Variants in STS observed in about 807,000 individuals in gnomAD.
STS encodes the protein steroid sulfatase, also known as steryl-sulfatase.
Under a neutral mutation model 26.8 loss-of-function variants are expected in STS, and 7 were observed. The ratio of observed to expected loss-of-function variants is 0.26; its 90% CI spans 0.15 to 0.49. The LOEUF is 0.49. Among genes scored for constraint, STS ranks in the 20% least tolerant of loss-of-function variants. STS has a pLI of 0.98. For missense variants in STS, 434 were observed against 465.6 expected, an observed-to-expected ratio of 0.93 and a Z score of 0.63; for synonymous variants, 199 against 189.4, an observed-to-expected ratio of 1.05 and a Z score of -0.42.
intron 8 of STS, among the ~76,000 whole-genome samples, chrX:7,324,092 G>A (rs1927229251): frequency 1.8e-5 from 2 of 110,671 alleles, no homozygotes; most frequent in South Asian, 7.8e-4. Flanking sequence ...TACATTTTAG[G>A]GAGACATACA....
At chrX:7,162,882 T>TAAA (rs758518020) in intron 1 of STS, among the ~76,000 whole-genome samples, 21 of 49,754 alleles carry the variant, frequency 4.2e-4, no homozygotes, top group Non-Finnish European at 7.2e-4. Flanking sequence ...CCGTCTATAC[T>TAAA]AAAAAAAAAA....
chrX:7,156,209 A>G (rs1933131557), intron 1 of STS, among the ~76,000 whole-genome samples: 1 of 110,868 alleles, frequency 9.0e-6, no homozygotes, highest in African/African-American at 3.3e-5. Context: ...GTTATTGTAT[A>G]TATGATTTAA....
intron 6 of STS, among the ~76,000 whole-genome samples, chrX:7,275,559 T>C (rs764367553): frequency 1.8e-5 from 2 of 111,859 alleles, no homozygotes; most frequent in East Asian, 5.6e-4. Context: ...TAAATTTTTT[T>C]CCCAAAGAAA....
chrX:7,187,566 CTCT>C (rs1345408888), intron 1 of STS, among the ~76,000 whole-genome samples: 2 of 112,169 alleles, frequency 1.8e-5, no homozygotes, highest in Non-Finnish European at 3.8e-5. Flanking sequence ...GAAATGCATT[CTCT>C]TCTTCTTCTC....
At chrX:7,339,735 A>T (rs752114683) in intron 10 of STS, among the ~76,000 whole-genome samples, 2 of 111,951 alleles carry the variant, frequency 1.8e-5, no homozygotes, top group Non-Finnish European at 1.9e-5. Context: ...ATCTAGACAC[A>T]TCAGTAACAG....
At chrX:7,331,479 C>T (rs1329580412) in intron 9 of STS, among the ~76,000 whole-genome samples, 1 of 110,827 alleles carries the variant, frequency 9.0e-6, no homozygotes, top group Non-Finnish European at 1.9e-5. Context: ...GTTATGCAAA[C>T]ATGCTACAAA....
intron 2 of STS, chrX:7,219,687 G>C (rs2147048362): frequency 8.3e-7 from 1 of 1,211,704 alleles, no homozygotes; most frequent in Non-Finnish European, 1.1e-6. Context: ...TGCCTTTAAG[G>C]TAAGCGTCTA....
intron 8 of STS, among the ~76,000 whole-genome samples, chrX:7,306,981 G>C (rs1471834213): frequency 1.8e-5 from 2 of 111,630 alleles, no homozygotes; most frequent in African/African-American, 6.5e-5. Context: ...TATGCTTCTA[G>C]TTACGTCTCT....
chrX:7,290,098 A>G (rs1186580053), intron 7 of STS, among the ~76,000 whole-genome samples: 4 of 111,696 alleles, frequency 3.6e-5, no homozygotes, highest in African/African-American at 9.8e-5. Context: ...GAGAAATACA[A>G]CTCATGAGAT....
chrX:7,313,834 G>T (rs772348686), intron 8 of STS, among the ~76,000 whole-genome samples: 14 of 111,945 alleles, frequency 1.3e-4, no homozygotes, highest in Non-Finnish European at 2.6e-4. Flanking sequence ...TAGTTTTTAG[G>T]ATAGATATAT....
intron 1 of STS, among the ~76,000 whole-genome samples, chrX:7,169,918 G>A (rs1933432592): frequency 9.1e-6 from 1 of 109,825 alleles, no homozygotes; most frequent in African/African-American, 3.3e-5. Flanking sequence ...GGTGGGTGCG[G>A]TTCCCAGAAA....
At chrX:7,334,837 T>A (rs1192076528) in intron 10 of STS, among the ~76,000 whole-genome samples, 3 of 112,770 alleles carry the variant, frequency 2.7e-5, no homozygotes, top group Non-Finnish European at 5.6e-5. Context: ...CTTTTAATTG[T>A]GCAATTGAAC....
At chrX:7,233,895 G>A (rs1317897163) in intron 2 of STS, among the ~76,000 whole-genome samples, 1 of 111,882 alleles carries the variant, frequency 8.9e-6, no homozygotes, top group Non-Finnish European at 1.9e-5. Flanking sequence ...AAGATGGTTT[G>A]AGCTATCTTT....
At chrX:7,177,448 A>ATATATATATATTATATATG (rs1933594069) in intron 1 of STS, among the ~76,000 whole-genome samples, 1 of 106,642 alleles carries the variant, frequency 9.4e-6, no homozygotes, top group African/African-American at 3.4e-5. Context: ...TTAATTTAAA[A>ATATATATATATTATATATG]TATATATATA....
At chrX:7,211,112 T>G (rs1258321276) in intron 2 of STS, among the ~76,000 whole-genome samples, 6 of 111,962 alleles carry the variant, frequency 5.4e-5, no homozygotes, top group African/African-American at 1.9e-4. Context: ...TGCTCCTAAG[T>G]GAAACTTTGT....
intron 2 of STS, among the ~76,000 whole-genome samples, chrX:7,240,489 A>ATGTG (rs1459277833): frequency 3.3e-4 from 15 of 45,026 alleles, no homozygotes; most frequent in African/African-American, 1.0e-3. Flanking sequence ...ACACACAGAT[A>ATGTG]TGTATGTGTG....
intron 10 of STS, among the ~76,000 whole-genome samples, chrX:7,349,290 C>T (rs927378414): frequency 5.4e-5 from 5 of 93,075 alleles, no homozygotes; most frequent in African/African-American, 2.0e-4. Flanking sequence ...AAGCATGAGC[C>T]GCTGCACTCG....
chrX:7,319,265 T>TC (rs760934637), intron 8 of STS, among the ~76,000 whole-genome samples: 17 of 110,325 alleles, frequency 1.5e-4, no homozygotes, highest in Admixed American at 8.7e-4. Context: ...CAAGCAGTCC[T>TC]CCCCCCTGAG....
At chrX:7,194,457 A>G (rs1174485108) in intron 2 of STS, among the ~76,000 whole-genome samples, 2 of 111,788 alleles carry the variant, frequency 1.8e-5, no homozygotes, top group East Asian at 5.6e-4. Flanking sequence ...AGCAATGGCT[A>G]GTTATCATGC....
Sources: allele counts gnomAD v4.1 joint callset (sites outside exome capture counted in the v4.1 genomes callset), GRCh38; gene constraint gnomAD v4.1.1; transcripts MANE v1.5; gene names NCBI Gene and HGNC (gene_info 2026-07-23, HGNC 2026-07-21).